SNTB1: variants seen among roughly 807,000 people sequenced by gnomAD.
SNTB1 encodes syntrophin beta 1.
A neutral mutation model predicts 48.9 loss-of-function variants in SNTB1; 36 were observed. The ratio of observed to expected loss-of-function variants is 0.74; its 90% CI spans 0.56 to 0.97. The LOEUF is 0.97. Among genes scored for constraint, SNTB1 ranks in the 50% least tolerant of loss-of-function variants. The pLI is 0.00. For synonymous variants in SNTB1, 299 were observed against 294.6 expected, an observed-to-expected ratio of 1.01 and a Z score of -0.15; for missense variants, 786 against 703.4, an observed-to-expected ratio of 1.12 and a Z score of -1.33.
At chr8:120,668,420 T>A (rs183356770) in intron 2 of SNTB1, among the ~76,000 whole-genome samples, 1 of 152,254 alleles carries the variant, frequency 6.6e-6, no homozygotes, top group South Asian at 2.1e-4. Context: ...TCTTCTACCA[T>A]GCTTTTTCAG....
At chr8:120,773,886 A>C (rs1373621767) in intron 1 of SNTB1, among the ~76,000 whole-genome samples, 1 of 152,254 alleles carries the variant, frequency 6.6e-6, no homozygotes, top group Non-Finnish European at 1.5e-5. Context: ...TTCTGGATTC[A>C]GGGCTATAGA....
chr8:120,615,984 C>T (rs1816707435), intron 3 of SNTB1, among the ~76,000 whole-genome samples: 1 of 152,096 alleles, frequency 6.6e-6, no homozygotes, highest in African/African-American at 2.4e-5. Flanking sequence ...AACTATTCAC[C>T]TCAGGGTGGG....
chr8:120,544,448 G>A (rs530070756), intron 5 of SNTB1, among the ~76,000 whole-genome samples: 4 of 152,152 alleles, frequency 2.6e-5, no homozygotes, highest in Admixed American at 6.5e-5. Context: ...ACTCTCTGCA[G>A]GCATCTTTCA....
At chr8:120,673,400 C>T (rs1008605692) in intron 2 of SNTB1, among the ~76,000 whole-genome samples, 1 of 151,750 alleles carries the variant, frequency 6.6e-6, no homozygotes, top group Non-Finnish European at 1.5e-5. Flanking sequence ...AAGCGGTTCT[C>T]CTGCCTTAGC....
At chr8:120,655,014 C>G (rs1359283204) in intron 2 of SNTB1, 1 of 455,892 alleles carries the variant, frequency 2.2e-6, no homozygotes, top group Non-Finnish European at 4.4e-6. Context: ...TTCAGTTCCT[C>G]AAATCTGTGA....
At chr8:120,580,411 G>C (rs1039129305) in intron 3 of SNTB1, among the ~76,000 whole-genome samples, 2 of 152,154 alleles carry the variant, frequency 1.3e-5, no homozygotes, top group African/African-American at 2.4e-5. Flanking sequence ...GGCCTCCCAT[G>C]CACGTGTCTT....
chr8:120,572,281 C>A (rs557964405), intron 4 of SNTB1, among the ~76,000 whole-genome samples: 1 of 152,294 alleles, frequency 6.6e-6, no homozygotes, highest in East Asian at 1.9e-4. Context: ...GTCTCTTGGA[C>A]CAAACTTCTT....
chr8:120,685,504 A>G (rs912453623), intron 2 of SNTB1, among the ~76,000 whole-genome samples: 5 of 152,182 alleles, frequency 3.3e-5, no homozygotes, highest in African/African-American at 1.2e-4. Context: ...TGGGGCAGCC[A>G]AGGATCAACA....
chr8:120,566,433 A>G (rs1043318591), intron 4 of SNTB1, among the ~76,000 whole-genome samples: 3 of 151,494 alleles, frequency 2.0e-5, no homozygotes, highest in African/African-American at 4.9e-5. Flanking sequence ...GGCTCCATCT[A>G]TGGAACCGAG....
intron 3 of SNTB1, among the ~76,000 whole-genome samples, chr8:120,603,420 C>A (rs1816457691): frequency 6.6e-6 from 1 of 152,170 alleles, no homozygotes. Flanking sequence ...TTTTAGTTGT[C>A]TTTCCACACT....
intron 2 of SNTB1, among the ~76,000 whole-genome samples, chr8:120,688,191 G>A (rs76515018): frequency 0.1 from 15,775 of 152,162 alleles, 1,048 homozygotes; most frequent in East Asian, 0.21. Flanking sequence ...ACTCTGTTAC[G>A]TAGCAGTACA....
At chr8:120,690,226 A>T (rs186852635) in intron 2 of SNTB1, among the ~76,000 whole-genome samples, 131 of 152,208 alleles carry the variant, frequency 8.6e-4, no homozygotes, top group Non-Finnish European at 1.8e-3. Flanking sequence ...CATAGTATGT[A>T]TGTATAGGAA....
intron 2 of SNTB1, among the ~76,000 whole-genome samples, chr8:120,674,021 G>C (rs1404059871): frequency 2.0e-5 from 3 of 152,182 alleles, no homozygotes; most frequent in East Asian, 1.9e-4. Context: ...CTCATAAGCA[G>C]AGCCTCATGG....
intron 1 of SNTB1, among the ~76,000 whole-genome samples, chr8:120,739,869 G>C (rs1819015409): frequency 6.6e-6 from 1 of 152,098 alleles, no homozygotes; most frequent in African/African-American, 2.4e-5. Flanking sequence ...CCATTTTATT[G>C]GTGAGGAAGT....
chr8:120,624,611 C>A (rs565780861), intron 3 of SNTB1, among the ~76,000 whole-genome samples: 22 of 152,246 alleles, frequency 1.4e-4, no homozygotes, highest in African/African-American at 5.3e-4. Flanking sequence ...CGCCTTCCCC[C>A]AAAAATTCAT....
At chr8:120,641,366 T>G (rs908798176) in intron 2 of SNTB1, among the ~76,000 whole-genome samples, 4 of 152,224 alleles carry the variant, frequency 2.6e-5, no homozygotes, top group African/African-American at 9.6e-5. Context: ...ATTTAAAGCA[T>G]GCAAATACGT....
At chr8:120,580,525 C>A (rs1005156005) in intron 3 of SNTB1, among the ~76,000 whole-genome samples, 2 of 152,118 alleles carry the variant, frequency 1.3e-5, no homozygotes, top group African/African-American at 4.8e-5. Flanking sequence ...TCCCCCAGCT[C>A]CCATGAGCAG....
intron 1 of SNTB1, among the ~76,000 whole-genome samples, chr8:120,754,527 T>C (rs1819281663): frequency 6.6e-6 from 1 of 152,134 alleles, no homozygotes; most frequent in Admixed American, 6.6e-5. Context: ...GTTCTGGGAT[T>C]GAGATTCCTT....
intron 1 of SNTB1, among the ~76,000 whole-genome samples, chr8:120,751,884 C>T (rs996985656): frequency 6.6e-6 from 1 of 152,186 alleles, no homozygotes; most frequent in African/African-American, 2.4e-5. Flanking sequence ...CCCATTCTCA[C>T]TTGTTCATCT....
Sources: gnomAD v4.1 joint callset for allele counts (sites outside exome capture counted in the v4.1 genomes callset) on GRCh38, gnomAD v4.1.1 for gene constraint, MANE v1.5 for transcripts, NCBI Gene and HGNC (gene_info 2026-07-23, HGNC 2026-07-21) for gene names.